WASF3: variants seen among roughly 807,000 people sequenced by gnomAD.
WASF3 encodes the protein actin-binding protein WASF3.
A neutral mutation model predicts 46.6 loss-of-function variants in WASF3; 11 were observed. The observed-to-expected ratio is 0.24, with a 90% CI of 0.15 to 0.39. The LOEUF is 0.39. Ranked by LOEUF, WASF3 falls within the 10% of genes least tolerant of loss-of-function variation. WASF3 has a pLI of 1.00. For missense variants in WASF3, 576 were observed against 669.8 expected, an observed-to-expected ratio of 0.86 and a Z score of 1.55; for synonymous variants, 242 against 259.7, an observed-to-expected ratio of 0.93 and a Z score of 0.65.
intron 2 of WASF3, chr13:26,619,440 A>G (rs1462451414): frequency 6.6e-5 from 10 of 152,174 alleles, no homozygotes; most frequent in Non-Finnish European, 1.5e-4. Context: ...GCAGACATCA[A>G]ATGGAATTTG....
At chr13:26,542,272 T>C in the WASF3 span, among the ~76,000 whole-genome samples, 1 of 152,230 alleles carries the variant, frequency 6.6e-6, no homozygotes, top group Non-Finnish European at 1.5e-5. Flanking sequence ...TTGTGGGTTA[T>C]AAATAAGATT....
At chr13:26,678,523 C>T (rs191889059) in intron 7 of WASF3, among the ~76,000 whole-genome samples, 5 of 151,714 alleles carry the variant, frequency 3.3e-5, no homozygotes, top group Non-Finnish European at 4.4e-5. Context: ...GGTATTATTT[C>T]GCAACATGAT....
At chr13:26,667,875 C>T (rs1273404221) in intron 5 of WASF3, among the ~76,000 whole-genome samples, 1 of 152,130 alleles carries the variant, frequency 6.6e-6, no homozygotes, top group African/African-American at 2.4e-5. Context: ...TACAGTATTT[C>T]AGCATATTGA....
rs73168025 is a variant in WASF3, at chr13:26,629,011, G to A, written c.-10-13250G>A. Among the ~76,000 whole-genome samples the A allele has an allele frequency of 8.9e-3, 1,358 of 152,338 alleles. 10 individuals are homozygous for A. Among genetic ancestry groups the A allele is most frequent in the Middle Eastern group, 0.017 (5 of 294 alleles). ...TGTGCCTTGAAAAGGCTGGCCCAGC[G>A]TTCATTGGGATGGACCCGCGTTGGG... On this transcript the variant is annotated intron_variant, in intron 2 of 9. Coordinates refer to ENST00000335327, the MANE Select transcript of WASF3 (RefSeq NM_006646.6).
intron 1 of WASF3, among the ~76,000 whole-genome samples, chr13:26,586,653 T>C (rs1880136130): frequency 6.6e-6 from 1 of 152,320 alleles, no homozygotes; most frequent in Admixed American, 6.5e-5. Flanking sequence ...CCTAAGAGAA[T>C]TGTCAGGGAT....
chr13:26,549,122 CAG>C, the WASF3 span, among the ~76,000 whole-genome samples: 8 of 151,912 alleles, frequency 5.3e-5, no homozygotes, highest in African/African-American at 1.9e-4. Context: ...GCTGGGATTA[CAG>C]AGACGCACCA....
intron 1 of WASF3, among the ~76,000 whole-genome samples, chr13:26,594,209 A>G (rs1206121788): frequency 6.6e-6 from 1 of 152,052 alleles, no homozygotes; most frequent in Non-Finnish European, 1.5e-5. Flanking sequence ...CATACCATCA[A>G]ATGCTCTTCT....
intron 2 of WASF3, among the ~76,000 whole-genome samples, chr13:26,621,808 C>T (rs746189957): frequency 3.2e-4 from 49 of 152,038 alleles, no homozygotes; most frequent in Non-Finnish European, 5.6e-4. Flanking sequence ...CTTCCTTTGG[C>T]GGTGGGAATG....
intron 1 of WASF3, among the ~76,000 whole-genome samples, 173 bp downstream of exon 1, chr13:26,557,992 G>A (rs1453645794): frequency 6.6e-6 from 1 of 150,678 alleles, no homozygotes; most frequent in Non-Finnish European, 1.5e-5. Context: ...GCGCCGCCTC[G>A]CGCCTATCCC....
chr13:26,569,294 G>T (rs1228674080), intron 1 of WASF3, among the ~76,000 whole-genome samples: 1 of 152,182 alleles, frequency 6.6e-6, no homozygotes, highest in Non-Finnish European at 1.5e-5. Context: ...CCTAATGGCA[G>T]AATGCACATT....
chr13:26,640,213 A>G (rs979268459), intron 2 of WASF3, among the ~76,000 whole-genome samples: 46 of 152,214 alleles, frequency 3.0e-4, no homozygotes, highest in African/African-American at 1.1e-3. Context: ...ACCTGAGATC[A>G]CATTTCAACA....
chr13:26,623,550 T>G (rs370821269), intron 2 of WASF3, among the ~76,000 whole-genome samples: 1 of 152,220 alleles, frequency 6.6e-6, no homozygotes, highest in South Asian at 2.1e-4. Context: ...CTTTCACTGA[T>G]GCAAAGCAAA....
chr13:26,615,263 A>G lies in WASF3; in HGVS notation c.-11+2205A>G, dbSNP rs73168007. 8.9e-3 allele frequency among the ~76,000 whole-genome samples: 1,357 copies of G among 151,740 alleles called. 10 individuals are homozygous for G. Among genetic ancestry groups the G allele is most frequent in the Middle Eastern group, 0.017 (5 of 290 alleles). On this transcript the variant is annotated intron_variant, in intron 2 of 9. Coordinates refer to ENST00000335327, the MANE Select transcript of WASF3 (RefSeq NM_006646.6). ...GTTCAGTGATCTCCTACTTTGTCATACTCAGATTATCTGTTGCCACAGATT... is the reference window on the plus strand; with the variant it reads ...GTTCAGTGATCTCCTACTTTGTCATGCTCAGATTATCTGTTGCCACAGATT...
intron 2 of WASF3, among the ~76,000 whole-genome samples, chr13:26,629,968 T>G (rs1213320542): frequency 2.0e-5 from 3 of 152,192 alleles, no homozygotes; most frequent in African/African-American, 7.2e-5. Context: ...CATATTGTCC[T>G]GTTTTCCTTA....
intron 3 of WASF3, among the ~76,000 whole-genome samples, chr13:26,654,041 T>C (rs1882396274): frequency 6.6e-6 from 1 of 152,166 alleles, no homozygotes; most frequent in Admixed American, 6.5e-5. Context: ...ATCTTCAAAA[T>C]GTGTAGCAAG....
intron 3 of WASF3, among the ~76,000 whole-genome samples, chr13:26,647,900 A>G (rs1046193800): frequency 6.6e-6 from 1 of 152,218 alleles, no homozygotes; most frequent in East Asian, 1.9e-4. Flanking sequence ...ATATTTTTAT[A>G]CAGATGGTAT....
intron 7 of WASF3, 127 bp from the exon 8 acceptor site, chr13:26,680,927 G>C: frequency 8.1e-7 from 1 of 1,235,626 alleles, no homozygotes; most frequent in South Asian, 1.5e-5. Context: ...CTAGTTGATA[G>C]TAAAGCAAAT....
intron 3 of WASF3, among the ~76,000 whole-genome samples, chr13:26,654,312 CT>C (rs1163031607): frequency 2.6e-5 from 4 of 152,200 alleles, no homozygotes; most frequent in Non-Finnish European, 4.4e-5. Flanking sequence ...AGATATTCAT[CT>C]TCCCCCTCTT....
At position 26,591,541 on chromosome 13, in the gene WASF3, T is replaced by C. The variant is rs146724677; in HGVS notation, c.-108-21420T>C. ...GTTTTTGACTTGAGCAGCTGAGATATGGGGTTGCCATGAACTGAGAGGGGG... is the reference window on the plus strand; with the variant it reads ...GTTTTTGACTTGAGCAGCTGAGATACGGGGTTGCCATGAACTGAGAGGGGG... On this transcript the variant is annotated intron_variant, in intron 1 of 9. Coordinates refer to ENST00000335327, the MANE Select transcript of WASF3 (RefSeq NM_006646.6). Among the ~76,000 whole-genome samples the C allele has an allele frequency of 4.6e-3, 694 of 152,022 alleles. 4 individuals carry two copies. The highest frequency in any genetic ancestry group is 0.034 in the Middle Eastern group (10 of 294).
Sources: allele counts gnomAD v4.1 joint callset (sites outside exome capture counted in the v4.1 genomes callset), GRCh38; gene constraint gnomAD v4.1.1; transcripts MANE v1.5; gene names NCBI Gene and HGNC (gene_info 2026-07-23, HGNC 2026-07-21).